The following COL11A1 variants were observed in gnomAD, a reference collection of about 807,000 sequenced individuals.
The protein encoded by COL11A1 is collagen alpha-1(XI) chain.
In COL11A1, 74 loss-of-function variants were observed where a neutral mutation model predicts 265.2. That is an observed-to-expected ratio of 0.28 (90% CI 0.23 to 0.34). COL11A1 has a LOEUF of 0.34. Among genes scored for constraint, COL11A1 ranks in the 10% least tolerant of loss-of-function variants. The probability of loss-of-function intolerance (pLI) is 1.00; values close to 1 mark genes in which losing one functional copy is unlikely to be tolerated. For missense variants in COL11A1, 2,165 were observed against 2,263.6 expected (o/e 0.96, Z 0.88); for synonymous variants, 816 against 727.6 (o/e 1.12, Z -1.96).
intron 18 of COL11A1, 120 bp downstream of exon 18, chr1:103,005,718 A>G: frequency 8.9e-7 from 1 of 1,128,794 alleles, no homozygotes; most frequent in Admixed American, 1.8e-5. Flanking sequence ...CTATTAGATT[A>G]TTAAGTGGAT....
intron 1 of COL11A1, among the ~76,000 whole-genome samples, chr1:103,097,231 G>A (rs1032480557): frequency 1.3e-5 from 2 of 151,948 alleles, no homozygotes; most frequent in East Asian, 3.9e-4. Flanking sequence ...ATGCTATGCA[G>A]AAAAATCTAT....
In COL11A1 at chr1:102,888,876, G is replaced by A. The variant is rs528529875; in HGVS notation, c.4508C>T (p.Pro1503Leu). The A allele has an allele frequency of 1.9e-6, 3 of 1,612,856 alleles. No homozygotes were observed. The Admixed American group carries it at 5.0e-5, about 27-fold the overall frequency. Residue 1503 changes from proline to leucine, a missense_variant, in exon 60 of 67, where the codon CCA becomes CTA. Transcript: ENST00000370096. ...TTGTCTTGTACTTACTGGTAAACCT[G>A]GAGGACCAGGTGGACCTAAGGGACC... The part of the protein sequence containing the change: ...PAGPLGPPGP[P>L]GLPGPQGPKG...
chr1:102,947,696 T>C (rs1659446171), intron 41 of COL11A1, among the ~76,000 whole-genome samples: 1 of 151,920 alleles, frequency 6.6e-6, no homozygotes, highest in South Asian at 2.1e-4. Flanking sequence ...TTTTTGAAAA[T>C]AATCACATGG....
intron 4 of COL11A1, among the ~76,000 whole-genome samples, chr1:103,068,892 C>T (rs1591637): frequency 0.5 from 75,709 of 150,454 alleles, 20,953 homozygotes; most frequent in East Asian, 0.91. Context: ...ACCCTGAAAA[C>T]TAGAAAACAT....
At position 102,888,771 on chromosome 1, in the gene COL11A1, A is replaced by T. The variant is rs1471674267; in HGVS notation, c.4519-13T>A. Reference sequence around the variant, plus strand: ...GGCCTTGAGGACCCTACAAAATGCAAATGCAAAAGCACAGATAAAAATCTG... The same window carrying T: ...GGCCTTGAGGACCCTACAAAATGCATATGCAAAAGCACAGATAAAAATCTG... On this transcript the variant is annotated splice_polypyrimidine_tract_variant and intron_variant, in intron 60 of 66. Coordinates refer to ENST00000370096, the MANE Select transcript of COL11A1 (RefSeq NM_001854.4). The T allele has an allele frequency of 1.2e-6, 2 of 1,613,824 alleles. No individual in the cohort carries two copies. Among genetic ancestry groups the T allele is most frequent in the Admixed American group, 1.7e-5 (1 of 59,958 alleles).
intron 33 of COL11A1, 32 bp from the exon 34 acceptor site, chr1:102,978,945 T>A (rs1343065470): frequency 1.2e-6 from 2 of 1,613,592 alleles, no homozygotes; most frequent in Admixed American, 1.7e-5. Context: ...GAACCCAAAC[T>A]AATGCCAGAC....
At chr1:102,920,175 A>G (rs1570731328) in intron 49 of COL11A1, 136 bp downstream of exon 49, 3 of 857,972 alleles carry the variant, frequency 3.5e-6, no homozygotes, top group East Asian at 2.5e-5. Flanking sequence ...TTTTGCAACT[A>G]CTAGATGACA....
chr1:103,079,628 A>G (rs10874676), intron 2 of COL11A1, among the ~76,000 whole-genome samples: 142,197 of 152,036 alleles, frequency 0.94, 66,743 homozygotes, highest in East Asian at 1. Flanking sequence ...TTATAAAACA[A>G]TGTATATTAA....
chr1:102,896,212 CA>C (rs5776663), intron 57 of COL11A1, among the ~76,000 whole-genome samples: 118,842 of 143,306 alleles, frequency 0.83, 48,786 homozygotes, highest in East Asian at 0.92. Context: ...AACTTAAAGC[CA>C]AAAAAAAAAA....
chr1:103,056,815 T>G (rs550930552), intron 4 of COL11A1, among the ~76,000 whole-genome samples: 120 of 151,524 alleles, frequency 7.9e-4, no homozygotes, highest in African/African-American at 2.7e-3. Flanking sequence ...ACTATTCTGT[T>G]GTCTATTAAA....
At chr1:103,071,489 T>C (rs1671585367) in intron 4 of COL11A1, among the ~76,000 whole-genome samples, 2 of 146,090 alleles carry the variant, frequency 1.4e-5, no homozygotes, top group Admixed American at 1.4e-4. Context: ...TTTTTTTTTT[T>C]TTTTTGCCTG....
At chr1:102,881,831 A>G (rs1170847752) in intron 64 of COL11A1, 66 bp from the exon 65 acceptor site, 4 of 1,133,318 alleles carry the variant, frequency 3.5e-6, no homozygotes, top group Non-Finnish European at 3.9e-6. Flanking sequence ...GTATTTTTAT[A>G]TACATATAAT....
At position 103,002,769 on chromosome 1, in the gene COL11A1, G is replaced by T. The variant is rs771604834; in HGVS notation, c.2021C>A (p.Pro674His). ...GQPGMAGVDG[P>H]PGPKGNMGPQ... Reference sequence around the variant, plus strand: ...TACCATGTTCCCTTTTGGTCCTGGGGGGCCATCTACACCTGCCATACCCTG... The same window carrying T: ...TACCATGTTCCCTTTTGGTCCTGGGTGGCCATCTACACCTGCCATACCCTG... The change falls in exon 22 of 67, where the codon CCC becomes CAC. Residue 674 changes from proline to histidine, a missense_variant. Physicochemically the swap from Pro to His is moderately conservative, Grantham distance 77 (BLOSUM62 -2). Transcript: ENST00000370096. The T allele has an allele frequency of 6.2e-7, 1 of 1,612,344 alleles. No individual in the cohort carries two copies. The highest frequency in any genetic ancestry group is 8.5e-7 in the Non-Finnish European group (1 of 1,179,094).
chr1:103,098,973 T>C (rs1674014055), intron 1 of COL11A1, among the ~76,000 whole-genome samples: 1 of 151,670 alleles, frequency 6.6e-6, no homozygotes, highest in Non-Finnish European at 1.5e-5. Flanking sequence ...ACATTGAGAG[T>C]AGGTGATACA....
At chr1:103,085,871 G>A (rs1163924375) in intron 1 of COL11A1, among the ~76,000 whole-genome samples, 7 of 151,982 alleles carry the variant, frequency 4.6e-5, no homozygotes, top group African/African-American at 1.5e-4. Flanking sequence ...CCAGTCTCTG[G>A]ACTAAGTTCT....
At chr1:103,058,864 A>C (rs1290034455) in intron 4 of COL11A1, among the ~76,000 whole-genome samples, 1 of 152,130 alleles carries the variant, frequency 6.6e-6, no homozygotes, top group Non-Finnish European at 1.5e-5. Flanking sequence ...GACATTTCAA[A>C]TCTTTTCATT....
chr1:103,049,348 A>T (rs1201178508), intron 4 of COL11A1, among the ~76,000 whole-genome samples: 1 of 152,168 alleles, frequency 6.6e-6, no homozygotes, highest in Non-Finnish European at 1.5e-5. Flanking sequence ...CTTTACCATT[A>T]TGTAATGGCC....
chr1:103,047,979 T>A (rs1349542168), intron 4 of COL11A1, among the ~76,000 whole-genome samples: 2 of 152,196 alleles, frequency 1.3e-5, no homozygotes, highest in Admixed American at 1.3e-4. Context: ...GATAAGCTTT[T>A]TTATGTGCTG....
Position 102,877,859 on chromosome 1 carries a change from G to T in COL11A1, c.*160C>A. The T allele has an allele frequency of 3.0e-6, 2 of 664,346 alleles. No individual in the cohort carries two copies. The highest frequency in any genetic ancestry group is 2.6e-6 in the Non-Finnish European group (1 of 379,368). The allele number at this position is 664,346 out of a possible 1,614,324, so 41.2% of individuals were successfully genotyped here. Reference sequence around the variant, plus strand: ...ATGATTTTCAAAGCTTTTGCCATGTGATTCTGCCCCCACAAAGGCATCGGT... The same window carrying T: ...ATGATTTTCAAAGCTTTTGCCATGTTATTCTGCCCCCACAAAGGCATCGGT... On this transcript the variant is annotated 3_prime_UTR_variant, in exon 67 of 67. Transcript: ENST00000370096.
Sources: allele counts gnomAD v4.1 joint callset (sites outside exome capture counted in the v4.1 genomes callset), GRCh38; gene constraint gnomAD v4.1.1; transcripts MANE v1.5; gene names NCBI Gene and HGNC (gene_info 2026-07-23, HGNC 2026-07-21).